The following DLGAP2 variants were observed in gnomAD, a reference collection of about 807,000 sequenced individuals.
DLGAP2 encodes DLG associated protein 2.
DLGAP2 carries 26 observed loss-of-function variants against 100.3 expected under a neutral mutation model. The ratio of observed to expected loss-of-function variants is 0.26; its 90% CI spans 0.19 to 0.36. DLGAP2 has a LOEUF of 0.36. Ranked by LOEUF, DLGAP2 falls within the 10% of genes least tolerant of loss-of-function variation. DLGAP2 has a pLI of 1.00. For synonymous variants in DLGAP2, 886 were observed against 630.1 expected (o/e 1.41, Z -6.08); for missense variants, 1,858 against 1,453.2 (o/e 1.28, Z -4.53).
intron 3 of DLGAP2, among the ~76,000 whole-genome samples, chr8:1,392,309 A>G (rs977852000): frequency 6.6e-6 from 1 of 152,108 alleles, no homozygotes; most frequent in African/African-American, 2.4e-5. Flanking sequence ...TTGAGGCGCC[A>G]TCTGGATCCA....
chr8:745,636 G>T (rs561857160), intron 1 of DLGAP2, among the ~76,000 whole-genome samples: 1 of 152,332 alleles, frequency 6.6e-6, no homozygotes, highest in East Asian at 1.9e-4. Flanking sequence ...CTAAGTGGAT[G>T]TTCCCTCCAG....
chr8:1,449,798 C>G (rs961735338), intron 3 of DLGAP2, among the ~76,000 whole-genome samples: 1 of 112,112 alleles, frequency 8.9e-6, no homozygotes, highest in African/African-American at 3.3e-5. Flanking sequence ...CTGCACTGGG[C>G]TGCCGTGAAG....
chr8:1,028,842 A>T (rs1333075685), intron 2 of DLGAP2, among the ~76,000 whole-genome samples: 1 of 152,226 alleles, frequency 6.6e-6, no homozygotes, highest in Non-Finnish European at 1.5e-5. Flanking sequence ...AGGCTGCAGC[A>T]TGGAGATGGC....
chr8:1,597,625 T>A (rs978645359), intron 6 of DLGAP2, among the ~76,000 whole-genome samples: 1 of 152,146 alleles, frequency 6.6e-6, no homozygotes, highest in Non-Finnish European at 1.5e-5. Context: ...ATTCTCTTTG[T>A]AGCAATTGTG....
At chr8:1,143,208 G>C (rs1356174028) in intron 2 of DLGAP2, among the ~76,000 whole-genome samples, 1 of 152,070 alleles carries the variant, frequency 6.6e-6, no homozygotes, top group Non-Finnish European at 1.5e-5. Flanking sequence ...ATATGACAAG[G>C]GTAAAATGAA....
At chr8:1,349,499 C>T (rs950888092) in intron 3 of DLGAP2, among the ~76,000 whole-genome samples, 1 of 143,886 alleles carries the variant, frequency 6.9e-6, no homozygotes, top group Non-Finnish European at 1.5e-5. Flanking sequence ...CACATCCACA[C>T]ACAGGTAGAA....
chr8:1,043,266 ATGTGGGTGGTGGACGTGGGTGGTGGG>A (rs1802420408), intron 2 of DLGAP2, among the ~76,000 whole-genome samples: 1 of 34,328 alleles, frequency 2.9e-5, no homozygotes, highest in East Asian at 1.1e-3. Flanking sequence ...TGGGTGGTGG[ATGTGGGTGGTGGACGTGGGTGGTGGG>A]TGTGGGTGGT....
At chr8:1,507,040 A>T (rs1799944486) in intron 4 of DLGAP2, among the ~76,000 whole-genome samples, 1 of 152,208 alleles carries the variant, frequency 6.6e-6, no homozygotes, top group African/African-American at 2.4e-5. Flanking sequence ...GTGCATTTAC[A>T]ATCTCCTAGC....
chr8:1,666,526 C>G (rs1296590965), intron 8 of DLGAP2, among the ~76,000 whole-genome samples: 1 of 151,970 alleles, frequency 6.6e-6, no homozygotes, highest in Non-Finnish European at 1.5e-5. Context: ...ATTAAAAATA[C>G]AAAATTTAGC....
rs537938051 is a variant in DLGAP2 at position 1,013,691 on chromosome 8, A to G, written c.73+105725A>G. Among the ~76,000 whole-genome samples the G allele has an allele frequency of 5.1e-3, 419 of 81,362 alleles. 10 individuals are homozygous for G. The highest frequency in any genetic ancestry group is 0.032 in the South Asian group (57 of 1,796). 53.4% of individuals were successfully genotyped at this position (81,362 alleles called of 152,430 possible). ...CCACTGTGTGAGACCAGGACAGACG[A>G]TGCCTCCATTGTGTGTATGACCAGG... On this transcript the variant is annotated intron_variant, in intron 2 of 14. Transcript: ENST00000637795.
intron 3 of DLGAP2, among the ~76,000 whole-genome samples, chr8:1,304,640 C>G (rs572526167): frequency 1.3e-5 from 2 of 152,166 alleles, no homozygotes; most frequent in South Asian, 2.1e-4. Flanking sequence ...TATGGCTACA[C>G]CTTAAAGATA....
At chr8:1,417,727 A>ACGGGGAGGCCTCACTC in intron 3 of DLGAP2, among the ~76,000 whole-genome samples, 1 of 111,514 alleles carries the variant, frequency 9.0e-6, no homozygotes. Context: ...GAGGCTCCAG[A>ACGGGGAGGCCTCACTC]CACAGAAGCC....
intron 3 of DLGAP2, among the ~76,000 whole-genome samples, chr8:1,481,482 T>C (rs1300717562): frequency 7.3e-6 from 1 of 136,332 alleles, no homozygotes; most frequent in African/African-American, 2.7e-5. Context: ...TTTTTTTTTT[T>C]TTTTTTTTTT....
At chr8:1,560,594 T>A (rs984317575) in intron 5 of DLGAP2, among the ~76,000 whole-genome samples, 1 of 152,148 alleles carries the variant, frequency 6.6e-6, no homozygotes, top group African/African-American at 2.4e-5. Context: ...ACATGACCAG[T>A]CCGAAGGCCT....
intron 4 of DLGAP2, among the ~76,000 whole-genome samples, chr8:1,501,777 T>C (rs1200991020): frequency 1.3e-5 from 2 of 152,190 alleles, no homozygotes; most frequent in East Asian, 1.9e-4. Flanking sequence ...CGCATTTGCA[T>C]TTTTCATGTA....
intron 12 of DLGAP2, among the ~76,000 whole-genome samples, chr8:1,691,242 G>C (rs945552129): frequency 6.6e-6 from 1 of 152,072 alleles, no homozygotes; most frequent in African/African-American, 2.4e-5. Context: ...AAATAATCTC[G>C]ATGCCAAAAT....
chr8:950,412 C>G (rs1311487837), intron 2 of DLGAP2, among the ~76,000 whole-genome samples: 1 of 152,128 alleles, frequency 6.6e-6, no homozygotes, highest in African/African-American at 2.4e-5. Context: ...ATGCCTCTTA[C>G]CAAGCGCTTC....
chr8:1,182,112 C>T (rs1453109476), intron 2 of DLGAP2, among the ~76,000 whole-genome samples: 3 of 152,228 alleles, frequency 2.0e-5, no homozygotes, highest in East Asian at 1.9e-4. Context: ...CTCACAACAG[C>T]GTCTCCTCCG....
intron 6 of DLGAP2, among the ~76,000 whole-genome samples, chr8:1,566,507 G>A (rs1345160822): frequency 2.6e-5 from 4 of 152,214 alleles, no homozygotes; most frequent in African/African-American, 9.6e-5. Context: ...ACGCTGCTGT[G>A]TATCTTGAGT....
Sources: allele counts gnomAD v4.1 joint callset (sites outside exome capture counted in the v4.1 genomes callset), GRCh38; gene constraint gnomAD v4.1.1; transcripts MANE v1.5; gene names NCBI Gene and HGNC (gene_info 2026-07-23, HGNC 2026-07-21).